ADAMTS17: variants seen among roughly 807,000 people sequenced by gnomAD.
ADAMTS17 encodes ADAM metallopeptidase with thrombospondin type 1 motif 17, also known as A disintegrin and metalloproteinase with thrombospondin motifs 17.
ADAMTS17 carries 113 observed loss-of-function variants against 141.5 expected under a neutral mutation model. The ratio of observed to expected loss-of-function variants is 0.80; its 90% CI spans 0.69 to 0.93. ADAMTS17 has a LOEUF of 0.93. Ranked by LOEUF, ADAMTS17 falls within the 40% of genes least tolerant of loss-of-function variation. ADAMTS17 has a pLI of 0.00. For missense variants in ADAMTS17, 1,659 were observed against 1,517.9 expected (o/e 1.09, Z -1.54); for synonymous variants, 768 against 630.6 (o/e 1.22, Z -3.27).
At chr15:100,067,663 G>T (rs531120042) in intron 15 of ADAMTS17, among the ~76,000 whole-genome samples, 54 of 152,028 alleles carry the variant, frequency 3.6e-4, no homozygotes, top group African/African-American at 1.3e-3. Flanking sequence ...TACCCTGCTT[G>T]GATGACTTTG....
At chr15:100,143,288 T>G (rs11636020) in intron 10 of ADAMTS17, among the ~76,000 whole-genome samples, 62 of 152,148 alleles carry the variant, frequency 4.1e-4, no homozygotes, top group Admixed American at 1.3e-4. Flanking sequence ...TGCATTGGGC[T>G]TTCTCACCCT....
chr15:100,138,311 G>T lies in ADAMTS17; in HGVS notation c.1474-4996C>A, dbSNP rs1277785038. 2.0e-5 allele frequency among the ~76,000 whole-genome samples: 3 copies of T among 152,192 alleles called. No individual in the cohort carries two copies. The East Asian group carries it at 5.8e-4, about 29-fold the overall frequency. On this transcript the variant is annotated intron_variant, in intron 10 of 21. Coordinates refer to ENST00000268070, the MANE Select transcript of ADAMTS17 (RefSeq NM_139057.4). ...AACATGGTAATGTGAGTGATGGTCA[G>T]CAGCAACAACAAACAGAAGATTTAA...
intron 7 of ADAMTS17, among the ~76,000 whole-genome samples, chr15:100,245,147 G>A (rs1375416326): frequency 6.6e-6 from 1 of 152,136 alleles, no homozygotes; most frequent in Non-Finnish European, 1.5e-5. Context: ...TGAAGCTGTG[G>A]AAGAATGACA....
intron 15 of ADAMTS17, among the ~76,000 whole-genome samples, chr15:100,084,366 C>T (rs1466104808): frequency 6.6e-6 from 1 of 152,224 alleles, no homozygotes; most frequent in African/African-American, 2.4e-5. Context: ...GGGTGGAGCC[C>T]ACCACAGCTC....
intron 7 of ADAMTS17, among the ~76,000 whole-genome samples, chr15:100,252,446 C>T (rs922764105): frequency 2.6e-5 from 4 of 152,182 alleles, no homozygotes; most frequent in African/African-American, 7.2e-5. Flanking sequence ...TACAGGCAAG[C>T]GCCACACGAT....
At position 99,983,101 on chromosome 15, in the gene ADAMTS17, C is replaced by T. The variant is rs151051343; in HGVS notation, c.2950-6879G>A. ...AAAGGTGTTAGGTTCCCCAGACCAG[C>T]GTGATACTGAGACATTGTGCAAGCG... On this transcript the variant is annotated intron_variant, in intron 20 of 21. Transcript: ENST00000268070. Among the ~76,000 whole-genome samples, 85 of 152,262 alleles carry T rather than the reference C, an allele frequency of 5.6e-4. 1 individual carries two copies. The East Asian group carries it at 0.014, about 24-fold the overall frequency.
intron 7 of ADAMTS17, among the ~76,000 whole-genome samples, chr15:100,201,553 A>G (rs2041334360): frequency 1.3e-5 from 2 of 152,244 alleles, no homozygotes; most frequent in Admixed American, 1.3e-4. Context: ...GCGCAGAGGA[A>G]GCTCACATGG....
intron 10 of ADAMTS17, among the ~76,000 whole-genome samples, chr15:100,143,334 C>T (rs55840723): frequency 0.12 from 18,443 of 152,202 alleles, 1,564 homozygotes; most frequent in Non-Finnish European, 0.17. Context: ...GCTTAAGTAG[C>T]TTGAAAGTGT....
intron 3 of ADAMTS17, among the ~76,000 whole-genome samples, chr15:100,307,929 A>G (rs1428074923): frequency 6.6e-6 from 1 of 152,218 alleles, no homozygotes; most frequent in Non-Finnish European, 1.5e-5. Flanking sequence ...CTAGACAAGC[A>G]ATTATGTTTT....
rs933262500 is a variant in ADAMTS17 at position 100,004,216 on chromosome 15, A to T, written c.2592-6627T>A. On this transcript the variant is annotated intron_variant, in intron 18 of 21. Coordinates refer to ENST00000268070, the MANE Select transcript of ADAMTS17 (RefSeq NM_139057.4). ...GCCGTCTACGGGGGTTGCTGTGTGGACTTTGTGTACAAGCACTCCGCAGCG... is the reference window on the plus strand; with the variant it reads ...GCCGTCTACGGGGGTTGCTGTGTGGTCTTTGTGTACAAGCACTCCGCAGCG... Among the ~76,000 whole-genome samples the T allele has an allele frequency of 3.9e-5, 6 of 152,330 alleles. 1 individual carries two copies. In the South Asian group the frequency reaches 8.3e-4, roughly 21 times the overall value.
At chr15:100,284,812 TAAG>T (rs1236093241) in intron 3 of ADAMTS17, among the ~76,000 whole-genome samples, 1 of 152,160 alleles carries the variant, frequency 6.6e-6, no homozygotes, top group Non-Finnish European at 1.5e-5. Flanking sequence ...ACTTCAAAAG[TAAG>T]AAGAAAAACA....
intron 14 of ADAMTS17, among the ~76,000 whole-genome samples, chr15:100,100,300 C>G (rs559117919): frequency 3.9e-5 from 6 of 152,126 alleles, no homozygotes; most frequent in African/African-American, 9.7e-5. Context: ...GTAGCTCCCC[C>G]GGGGCTCCCT....
At chr15:100,074,581 C>T (rs1474749869) in intron 15 of ADAMTS17, among the ~76,000 whole-genome samples, 7 of 151,908 alleles carry the variant, frequency 4.6e-5, no homozygotes, top group Non-Finnish European at 8.8e-5. Context: ...ATAAACCTCA[C>T]TTGGTGATAG....
chr15:100,096,854 CA>C (rs1378803900), intron 14 of ADAMTS17, among the ~76,000 whole-genome samples: 1 of 152,242 alleles, frequency 6.6e-6, no homozygotes, highest in Admixed American at 6.5e-5. Context: ...CACAATTTCT[CA>C]TGATGGGGGT....
chr15:100,051,972 C>T (rs1777977989), intron 16 of ADAMTS17, among the ~76,000 whole-genome samples: 1 of 152,132 alleles, frequency 6.6e-6, no homozygotes, highest in South Asian at 2.1e-4. Context: ...TCTTTCCTAC[C>T]CAAGAGAGAG....
chr15:100,176,749 C>T (rs1490499880), intron 8 of ADAMTS17, among the ~76,000 whole-genome samples: 1 of 152,160 alleles, frequency 6.6e-6, no homozygotes, highest in Admixed American at 6.5e-5. Context: ...CACAAGACTA[C>T]CCTTTTATGA....
At chr15:100,069,769 G>GT (rs1486138654) in intron 15 of ADAMTS17, among the ~76,000 whole-genome samples, 1 of 150,228 alleles carries the variant, frequency 6.7e-6, no homozygotes, top group African/African-American at 2.5e-5. Flanking sequence ...GGAACAACTG[G>GT]TAACAGCCAC....
At chr15:100,233,345 T>A (rs1191921527) in intron 7 of ADAMTS17, among the ~76,000 whole-genome samples, 6 of 141,162 alleles carry the variant, frequency 4.3e-5, no homozygotes, top group African/African-American at 1.4e-4. Flanking sequence ...AAAAAAAAAA[T>A]ACAGAAGATT....
In ADAMTS17 at chr15:100,150,145, A is replaced by G. The variant is rs148533936; in HGVS notation, c.1473+2467T>C. 9.8e-4 allele frequency among the ~76,000 whole-genome samples: 150 copies of G among 152,338 alleles called. 1 individual carries two copies. Among genetic ancestry groups the G allele is most frequent in the Admixed American group, 7.1e-3 (108 of 15,304 alleles). On this transcript the variant is annotated intron_variant, in intron 10 of 21. Coordinates refer to ENST00000268070, the MANE Select transcript of ADAMTS17 (RefSeq NM_139057.4). Reference sequence around the variant, plus strand: ...AGCCCAGGAATAAATGTTCAGCTTCAATGTAAAAGGCACGTGGGAAGATCT... The same window carrying G: ...AGCCCAGGAATAAATGTTCAGCTTCGATGTAAAAGGCACGTGGGAAGATCT...
Sources: allele counts gnomAD v4.1 joint callset (sites outside exome capture counted in the v4.1 genomes callset), GRCh38; gene constraint gnomAD v4.1.1; transcripts MANE v1.5; gene names NCBI Gene and HGNC (gene_info 2026-07-23, HGNC 2026-07-21).